RPH3A: variants seen among roughly 807,000 people sequenced by gnomAD.
RPH3A encodes the protein rabphilin 3A.
In RPH3A, 48 loss-of-function variants were observed where a neutral mutation model predicts 102.2. The observed-to-expected ratio is 0.47, with a 90% CI of 0.37 to 0.60. RPH3A has a LOEUF of 0.60. Ranked by LOEUF, RPH3A falls within the 20% of genes least tolerant of loss-of-function variation. The pLI, the probability that RPH3A is intolerant of heterozygous loss-of-function variation, is 0.00. For synonymous variants in RPH3A, 310 were observed against 324.3 expected, an observed-to-expected ratio of 0.96 and a Z score of 0.47; for missense variants, 781 against 910.1, an observed-to-expected ratio of 0.86 and a Z score of 1.83.
At chr12:112,683,017 A>G (rs1002761126) in intron 1 of RPH3A, among the ~76,000 whole-genome samples, 1 of 152,140 alleles carries the variant, frequency 6.6e-6, no homozygotes, top group Non-Finnish European at 1.5e-5. Flanking sequence ...GTGTGCAATT[A>G]ATTTTTTGGC....
intron 13 of RPH3A, among the ~76,000 whole-genome samples, chr12:112,877,461 A>ACACACAC (rs1176054466): frequency 7.7e-4 from 100 of 129,400 alleles, no homozygotes; most frequent in African/African-American, 3.3e-3. Flanking sequence ...CACACACACC[A>ACACACAC]GTGGCATTTC....
In RPH3A at chr12:112,738,901, C is replaced by T. The variant is rs138937407; in HGVS notation, c.-139-53242C>T. ...TTTGTTTGCCTAGGTATTTGGTTTT[C>T]TCTCTTTTTTCCCCTAATGAATAAT... On this transcript the variant is annotated intron_variant, in intron 1 of 21. Coordinates refer to the RPH3A transcript ENST00000543106. 6.2e-4 allele frequency among the ~76,000 whole-genome samples: 94 copies of T among 152,236 alleles called. 2 individuals are homozygous for T. In the East Asian group the frequency reaches 0.017, roughly 28 times the overall value.
intron 2 of RPH3A, among the ~76,000 whole-genome samples, chr12:112,807,844 C>G (rs1422616417): frequency 6.6e-6 from 1 of 152,098 alleles, no homozygotes; most frequent in Non-Finnish European, 1.5e-5. Context: ...ACTCTGCCTC[C>G]TCCTTCTCCA....
chr12:112,658,321 T>C (rs1034358880), intron 1 of RPH3A, among the ~76,000 whole-genome samples: 1 of 152,050 alleles, frequency 6.6e-6, no homozygotes, highest in Admixed American at 6.6e-5. Flanking sequence ...GGGCTACAGG[T>C]GTGTGCCACC....
intron 1 of RPH3A, among the ~76,000 whole-genome samples, chr12:112,616,183 G>A (rs2039677820): frequency 6.6e-6 from 1 of 150,462 alleles, no homozygotes; most frequent in Non-Finnish European, 1.5e-5. Flanking sequence ...ATCTTGCTCT[G>A]TCACTCAAGC....
intron 1 of RPH3A, among the ~76,000 whole-genome samples, chr12:112,655,319 G>A (rs1158379981): frequency 6.6e-6 from 1 of 152,104 alleles, no homozygotes; most frequent in Non-Finnish European, 1.5e-5. Flanking sequence ...ACTTGCAGAC[G>A]CACCACTCAC....
chr12:112,670,093 T>C (rs2040116892), intron 1 of RPH3A, among the ~76,000 whole-genome samples: 2 of 152,268 alleles, frequency 1.3e-5, no homozygotes, highest in African/African-American at 4.8e-5. Context: ...TGTGTGTATT[T>C]AAAATGTTAG....
At chr12:112,712,925 C>T (rs111377570) in intron 1 of RPH3A, among the ~76,000 whole-genome samples, 6,567 of 93,350 alleles carry the variant, frequency 0.07, 579 homozygotes, top group South Asian at 0.17. Flanking sequence ...CTTCTTCTTC[C>T]TCTTCTTCTT....
At chr12:112,752,594 CTTTTT>C (rs35742758) in intron 1 of RPH3A, among the ~76,000 whole-genome samples, 2 of 124,954 alleles carry the variant, frequency 1.6e-5, no homozygotes, top group African/African-American at 3.1e-5. Context: ...GCAGGCAAGT[CTTTTT>C]TTTTTTTTTT....
At chr12:112,658,027 G>A (rs927736234) in intron 1 of RPH3A, among the ~76,000 whole-genome samples, 2 of 152,140 alleles carry the variant, frequency 1.3e-5, no homozygotes, top group African/African-American at 4.8e-5. Flanking sequence ...AATGTGGGAG[G>A]AGATGAGGTT....
intron 3 of RPH3A, among the ~76,000 whole-genome samples, chr12:112,832,835 C>A (rs1268380906): frequency 2.0e-5 from 3 of 152,022 alleles, no homozygotes; most frequent in African/African-American, 7.2e-5. Context: ...AGAGAGAGAC[C>A]CTTTCTCTGA....
intron 1 of RPH3A, among the ~76,000 whole-genome samples, chr12:112,691,216 G>T (rs1413238808): frequency 6.6e-6 from 1 of 152,122 alleles, no homozygotes. Context: ...AGTAGAGACG[G>T]GGTTTCACCG....
At chr12:112,879,979 G>T (rs993243299) in intron 14 of RPH3A, among the ~76,000 whole-genome samples, 1 of 152,166 alleles carries the variant, frequency 6.6e-6, no homozygotes, top group African/African-American at 2.4e-5. Context: ...ATAGTTGTGC[G>T]CACATGTTCC....
chr12:112,676,429 C>T (rs954741362), intron 1 of RPH3A, among the ~76,000 whole-genome samples: 2 of 152,236 alleles, frequency 1.3e-5, no homozygotes, highest in African/African-American at 4.8e-5. Flanking sequence ...GGCTTTCTCA[C>T]CAAGTCTCTT....
At chr12:112,881,459 T>G (rs958073581) in intron 14 of RPH3A, among the ~76,000 whole-genome samples, 1 of 152,192 alleles carries the variant, frequency 6.6e-6, no homozygotes, top group Admixed American at 6.5e-5. Context: ...GAATTGCATT[T>G]AAATCTCACC....
intron 9 of RPH3A, 21 bp from the exon 10 acceptor site, chr12:112,869,872 A>G (rs1378525134): frequency 6.2e-7 from 1 of 1,614,010 alleles, no homozygotes; most frequent in African/African-American, 1.3e-5. Context: ...TTCTCTACTC[A>G]ATTCATGCTC....
intron 1 of RPH3A, among the ~76,000 whole-genome samples, chr12:112,730,757 CA>C (rs2040627195): frequency 6.6e-6 from 1 of 152,154 alleles, no homozygotes; most frequent in South Asian, 2.1e-4. Context: ...TAACCAACGT[CA>C]TTGGAAGCAG....
intron 1 of RPH3A, among the ~76,000 whole-genome samples, chr12:112,634,227 A>G (rs58462155): frequency 0.62 from 27,830 of 45,148 alleles, 9,230 homozygotes; most frequent in Middle Eastern, 0.77. Flanking sequence ...GGGCGCCTGT[A>G]GTCCCAGCTA....
chr12:112,866,240 T>C (rs1038027586), intron 6 of RPH3A, among the ~76,000 whole-genome samples: 3 of 152,206 alleles, frequency 2.0e-5, no homozygotes, highest in Non-Finnish European at 4.4e-5. Flanking sequence ...GCCAGTCAAC[T>C]CGATAGCGAG....
Sources: gnomAD v4.1 joint callset for allele counts (sites outside exome capture counted in the v4.1 genomes callset) on GRCh38, gnomAD v4.1.1 for gene constraint, MANE v1.5 for transcripts, NCBI Gene and HGNC (gene_info 2026-07-23, HGNC 2026-07-21) for gene names.